Variants in TLK1 observed in about 807,000 individuals in gnomAD.
TLK1 encodes the protein tousled like kinase 1.
TLK1 carries 24 observed loss-of-function variants against 105.3 expected under a neutral mutation model. That is an observed-to-expected ratio of 0.23 (90% CI 0.17 to 0.32). The LOEUF (loss-of-function observed/expected upper bound fraction) is 0.32. TLK1 is among the 10% of genes least tolerant of loss of function. The probability of loss-of-function intolerance (pLI) is 1.00; values close to 1 mark genes in which losing one functional copy is unlikely to be tolerated. For missense variants in TLK1, 558 were observed against 910.5 expected (o/e 0.61, Z 4.98); for synonymous variants, 321 against 310.4 (o/e 1.03, Z -0.36).
chr2:171,089,824 C>A lies in TLK1; in HGVS notation c.259-6972G>T, dbSNP rs150505824. 1.9e-3 allele frequency among the ~76,000 whole-genome samples: 294 copies of A among 152,248 alleles called. 1 individual carries two copies. The highest frequency in any genetic ancestry group is 4.3e-3 in the Admixed American group (66 of 15,292). ...AAGTAGCTGGGATTACGGGCACAAG[C>A]CACCGTGCCTGGTTTAATTTTATCA... On this transcript the variant is annotated intron_variant, in intron 2 of 20. Coordinates refer to ENST00000431350, the MANE Select transcript of TLK1 (RefSeq NM_012290.5).
At chr2:171,039,526 A>G (rs1476932030) in intron 11 of TLK1, among the ~76,000 whole-genome samples, 2 of 152,176 alleles carry the variant, frequency 1.3e-5, no homozygotes, top group Non-Finnish European at 2.9e-5. Context: ...CTAAAGTGGC[A>G]GGATTACAGG....
chr2:171,094,875 T>G (rs1689388379), intron 2 of TLK1, among the ~76,000 whole-genome samples: 2 of 152,170 alleles, frequency 1.3e-5, no homozygotes, highest in Non-Finnish European at 1.5e-5. Context: ...CCCAAAATGC[T>G]GGGATTACAG....
At chr2:171,042,057 C>T (rs1686701839) in intron 11 of TLK1, among the ~76,000 whole-genome samples, 1 of 152,130 alleles carries the variant, frequency 6.6e-6, no homozygotes. Context: ...GTACCCATCA[C>T]TTCATTTGCC....
At chr2:171,098,111 G>C (rs1261576849) in intron 2 of TLK1, among the ~76,000 whole-genome samples, 1 of 152,142 alleles carries the variant, frequency 6.6e-6, no homozygotes, top group Admixed American at 6.5e-5. Flanking sequence ...GGGGGTAGGG[G>C]AAATGGGGAG....
intron 4 of TLK1, chr2:171,060,069 C>A: frequency 6.3e-7 from 1 of 1,578,118 alleles, no homozygotes; most frequent in Admixed American, 1.8e-5. Flanking sequence ...CACTGAAAGC[C>A]AGACTAAAGC....
At chr2:171,203,038 A>G (rs1693433207) in intron 1 of TLK1, among the ~76,000 whole-genome samples, 1 of 152,134 alleles carries the variant, frequency 6.6e-6, no homozygotes, top group South Asian at 2.1e-4. Context: ...ATATATTGTT[A>G]AGTATTGTTA....
intron 18 of TLK1, among the ~76,000 whole-genome samples, chr2:170,998,956 T>C (rs1281900583): frequency 2.0e-5 from 3 of 152,162 alleles, no homozygotes; most frequent in Admixed American, 1.3e-4. Flanking sequence ...TTTGTAGTGA[T>C]AGTCTTGTGC....
chr2:171,151,627 A>C (rs1224736542), intron 1 of TLK1, among the ~76,000 whole-genome samples: 1 of 150,934 alleles, frequency 6.6e-6, no homozygotes, highest in Non-Finnish European at 1.5e-5. Context: ...GGCGCCCACC[A>C]CCACGCCCAG....
intron 1 of TLK1, among the ~76,000 whole-genome samples, chr2:171,196,122 G>GTTTTT (rs570467416): frequency 2.8e-5 from 4 of 141,184 alleles, no homozygotes; most frequent in Non-Finnish European, 4.6e-5. Flanking sequence ...ATTGTAGCTG[G>GTTTTT]TTTTTTTTTT....
intron 19 of TLK1, among the ~76,000 whole-genome samples, chr2:170,997,389 G>A (rs1684116437): frequency 6.6e-6 from 1 of 152,094 alleles, no homozygotes; most frequent in Non-Finnish European, 1.5e-5. Context: ...TGGGGTGGGG[G>A]GTGTAAGAGG....
chr2:171,137,984 G>C (rs140397643), intron 1 of TLK1, among the ~76,000 whole-genome samples: 31 of 152,036 alleles, frequency 2.0e-4, no homozygotes, highest in African/African-American at 7.5e-4. Flanking sequence ...TCAAATAACT[G>C]GACTGAAAGT....
chr2:171,134,555 T>C (rs898672523), intron 1 of TLK1, among the ~76,000 whole-genome samples: 8 of 152,114 alleles, frequency 5.3e-5, no homozygotes, highest in Non-Finnish European at 5.9e-5. Context: ...ATCCCATTTC[T>C]ATATATCCAA....
At chr2:171,096,213 G>T (rs759473088) in intron 2 of TLK1, among the ~76,000 whole-genome samples, 3 of 152,100 alleles carry the variant, frequency 2.0e-5, no homozygotes, top group Non-Finnish European at 4.4e-5. Flanking sequence ...ACAAAAATCA[G>T]TTGTGGAAGG....
At chr2:171,222,837 T>C (rs1417552763) in intron 1 of TLK1, among the ~76,000 whole-genome samples, 2 of 146,632 alleles carry the variant, frequency 1.4e-5, no homozygotes, top group Non-Finnish European at 3.0e-5. Context: ...TTATTTGAGA[T>C]GGAGTCTCGC....
At chr2:171,171,844 G>C (rs1692735216) in intron 1 of TLK1, among the ~76,000 whole-genome samples, 1 of 152,152 alleles carries the variant, frequency 6.6e-6, no homozygotes, top group Admixed American at 6.5e-5. Flanking sequence ...GGTGGAAGTG[G>C]ATATTGGTAC....
chr2:171,110,281 C>G (rs1690105724), intron 2 of TLK1, among the ~76,000 whole-genome samples: 1 of 152,122 alleles, frequency 6.6e-6, no homozygotes, highest in Non-Finnish European at 1.5e-5. Context: ...CCAGCCTGAC[C>G]AACAGGGTGA....
chr2:171,100,537 G>A (rs1689644130), intron 2 of TLK1, among the ~76,000 whole-genome samples: 1 of 152,076 alleles, frequency 6.6e-6, no homozygotes. Context: ...AGAAGCCAAG[G>A]CCATGTCCTT....
chr2:171,225,163 CT>C (rs142835101), intron 1 of TLK1, among the ~76,000 whole-genome samples: 2,937 of 152,248 alleles, frequency 0.019, 92 homozygotes, highest in African/African-American at 0.066. Context: ...AAAAACTTTT[CT>C]GCTTCAAAGG....
At chr2:171,043,662 T>C (rs1016951280) in intron 11 of TLK1, among the ~76,000 whole-genome samples, 8 of 152,158 alleles carry the variant, frequency 5.3e-5, no homozygotes, top group Admixed American at 2.0e-4. Flanking sequence ...GGAACTTGCA[T>C]AAAGGATGAG....
Sources: gnomAD v4.1 joint callset for allele counts (sites outside exome capture counted in the v4.1 genomes callset) on GRCh38, gnomAD v4.1.1 for gene constraint, MANE v1.5 for transcripts, NCBI Gene and HGNC (gene_info 2026-07-23, HGNC 2026-07-21) for gene names.